USP6NL: variants seen among roughly 807,000 people sequenced by gnomAD.
USP6NL encodes USP6 N-terminal-like protein.
Under a neutral mutation model 61.9 loss-of-function variants are expected in USP6NL, and 26 were observed. The ratio of observed to expected loss-of-function variants is 0.42; its 90% CI spans 0.31 to 0.58. USP6NL has a LOEUF of 0.58. USP6NL is among the 20% of genes least tolerant of loss of function. The pLI is 0.16. For synonymous variants in USP6NL, 432 were observed against 390.1 expected (o/e 1.11, Z -1.27); for missense variants, 1,114 against 1,034.3 (o/e 1.08, Z -1.06).
intron 2 of USP6NL, among the ~76,000 whole-genome samples, chr10:11,586,119 A>T (rs1304798046): frequency 6.6e-6 from 1 of 152,238 alleles, no homozygotes; most frequent in African/African-American, 2.4e-5. Context: ...TCCTGTCTAG[A>T]AATCAAATAA....
chr10:11,577,640 A>G (rs1296805808), intron 2 of USP6NL, among the ~76,000 whole-genome samples: 1 of 152,058 alleles, frequency 6.6e-6, no homozygotes, highest in Admixed American at 6.6e-5. Flanking sequence ...AGCTGGGATT[A>G]CAGGTGCCTT....
intron 2 of USP6NL, among the ~76,000 whole-genome samples, chr10:11,556,036 GACAA>G (rs1489364120): frequency 6.6e-6 from 1 of 152,108 alleles, no homozygotes; most frequent in Admixed American, 6.5e-5. Flanking sequence ...AGCCTTGATG[GACAA>G]ACAGTCATGA....
At chr10:11,549,516 C>T (rs751983990) in intron 2 of USP6NL, among the ~76,000 whole-genome samples, 1 of 152,210 alleles carries the variant, frequency 6.6e-6, no homozygotes, top group South Asian at 2.1e-4. Flanking sequence ...GCCTTTTCTC[C>T]CACCTTTCAC....
chr10:11,584,231 C>G (rs1177500010), intron 2 of USP6NL, among the ~76,000 whole-genome samples: 1 of 152,148 alleles, frequency 6.6e-6, no homozygotes, highest in African/African-American at 2.4e-5. Flanking sequence ...AAGCATTTAG[C>G]TCTGTGTGTA....
chr10:11,599,911 G>A (rs977282277), intron 1 of USP6NL, among the ~76,000 whole-genome samples: 2 of 151,630 alleles, frequency 1.3e-5, no homozygotes, highest in Admixed American at 6.6e-5. Flanking sequence ...CACCCACCTC[G>A]GCCTCCCAAA....
At position 11,462,917 on chromosome 10, in the gene USP6NL, G is replaced by A. The variant is rs754431154; in HGVS notation, c.2011C>T (p.His671Tyr). ...GTQLNPSRRPHGSTLSVSASP... is the reference protein window; with the variant it reads ...GTQLNPSRRPYGSTLSVSASP... ...GCACTGACGGAAAGAGTAGAACCAT[G>A]AGGTCTCCTGGAAGGATTCAGTTGA... Residue 671 changes from histidine (H) to tyrosine (Y), a missense_variant, in exon 15 of 15, where the codon CAT becomes TAT. Transcript: ENST00000609104. 1.9e-6 allele frequency: 3 copies of A among 1,613,458 alleles called. No individual in the cohort carries two copies. In the African/African-American group the frequency reaches 4.0e-5, roughly 22 times the overall value.
chr10:11,530,228 A>G (rs1835598422), intron 2 of USP6NL, among the ~76,000 whole-genome samples: 1 of 152,188 alleles, frequency 6.6e-6, no homozygotes. Flanking sequence ...CAAATTCAAT[A>G]GATGAATGCT....
Position 11,553,389 on chromosome 10 carries a change from C to A in USP6NL, c.5-25822G>T, listed in dbSNP as rs1188788398. ...TCACTAACTTCAGCCTCCAGGTTTC[C>A]TTGTGTGGATGTCATTTCAGCAAGG... On this transcript the variant is annotated intron_variant, in intron 2 of 14. Transcript: ENST00000609104. This position sits in a 1 kb window ranked among gnomAD's most constrained non-coding sequence, Gnocchi z 4.8. Among the ~76,000 whole-genome samples the A allele has an allele frequency of 1.3e-5, 2 of 152,162 alleles. No homozygotes were observed. The highest frequency in any genetic ancestry group is 2.9e-5 in the Non-Finnish European group (2 of 68,030).
chr10:11,516,165 C>G (rs994005135), intron 5 of USP6NL, among the ~76,000 whole-genome samples: 1 of 152,150 alleles, frequency 6.6e-6, no homozygotes, highest in African/African-American at 2.4e-5. Flanking sequence ...TTAGTAAACA[C>G]CAATACTAAT....
rs371978766 is a variant in USP6NL at position 11,597,590 on chromosome 10, G to A, written c.4+41C>T. 67 of 1,545,944 alleles carry A rather than the reference G, an allele frequency of 4.3e-5. No homozygotes were observed. In the African/African-American group the frequency reaches 7.8e-4, roughly 18 times the overall value. On this transcript the variant is annotated intron_variant, in intron 2 of 14. Transcript: ENST00000609104. This position sits in a 1 kb window ranked among gnomAD's most constrained non-coding sequence, Gnocchi z 4.6. ...TTCTCCTAAGCACAATACAGCAAAC[G>A]CTCCTGAGATGGCTGGAAGGAAAGG...
chr10:11,570,504 T>C (rs1439815534), intron 2 of USP6NL, among the ~76,000 whole-genome samples: 1 of 152,260 alleles, frequency 6.6e-6, no homozygotes. Context: ...TTAGTACTAA[T>C]TTTAATAACC....
chr10:11,555,433 A>AAAAAT lies in USP6NL; in HGVS notation c.5-27867_5-27866insATTTT, dbSNP rs1275798295. Among the ~76,000 whole-genome samples, 147 of 48,916 alleles carry AAAAAT rather than the reference A, an allele frequency of 3.0e-3. 1 individual carries two copies. The highest frequency in any genetic ancestry group is 4.5e-3 in the Non-Finnish European group (132 of 29,160). 32.1% of individuals were successfully genotyped at this position (48,916 alleles called of 152,430 possible). Reference sequence around the variant, plus strand: ...TCGGTCTTAAAAAAAAAAAAAAAAAAATATATATATATATATATAGAGAGA... The same window carrying AAAAAT: ...TCGGTCTTAAAAAAAAAAAAAAAAAAAAAATATATATATATATATATATAGAGAGA... On this transcript the variant is annotated intron_variant, in intron 2 of 14. Transcript: ENST00000609104.
Position 11,511,672 on chromosome 10 carries a change from T to A in USP6NL, c.196-1997A>T, listed in dbSNP as rs912637238. ...AGTCATTTTTTTAAAAGCACACTTT[T>A]GAATTCTAATGCTTATCATATATAC... On this transcript the variant is annotated intron_variant, in intron 5 of 14. Transcript: ENST00000609104. This position sits in a 1 kb window ranked among gnomAD's most constrained non-coding sequence, Gnocchi z 4.9. Among the ~76,000 whole-genome samples the A allele has an allele frequency of 6.6e-6, 1 of 152,152 alleles. No homozygotes were observed. Among genetic ancestry groups the A allele is most frequent in the Non-Finnish European group, 1.5e-5 (1 of 68,022 alleles).
At chr10:11,584,460 A>C (rs897870224) in intron 2 of USP6NL, among the ~76,000 whole-genome samples, 2 of 152,234 alleles carry the variant, frequency 1.3e-5, no homozygotes, top group African/African-American at 4.8e-5. Context: ...ATTAATTACA[A>C]CAGTGATGGA....
intron 13 of USP6NL, among the ~76,000 whole-genome samples, chr10:11,484,703 CAACT>C (rs1170512310): frequency 6.6e-6 from 1 of 152,110 alleles, no homozygotes; most frequent in Non-Finnish European, 1.5e-5. Context: ...CTAGTGAAAC[CAACT>C]AACTGCATTC....
In USP6NL at chr10:11,591,234, T is replaced by C; in HGVS notation, c.4+6397A>G. Among the ~76,000 whole-genome samples the C allele has an allele frequency of 6.6e-6, 1 of 152,214 alleles. No homozygotes were observed. Among genetic ancestry groups the C allele is most frequent in the South Asian group, 2.1e-4 (1 of 4,836 alleles). ...TTCAGAATGGAATTCGAAATAGTTCTCTTAAGAATGGAGAGTCTCTTGAAA... is the reference window on the plus strand; with the variant it reads ...TTCAGAATGGAATTCGAAATAGTTCCCTTAAGAATGGAGAGTCTCTTGAAA... On this transcript the variant is annotated intron_variant, in intron 2 of 14. Coordinates refer to ENST00000609104, the MANE Select transcript of USP6NL (RefSeq NM_014688.5). The surrounding 1 kb of genome is among the most constrained non-coding windows in gnomAD (Gnocchi z 4.7).
chr10:11,583,289 C>T lies in USP6NL; in HGVS notation c.4+14342G>A, dbSNP rs529373434. On this transcript the variant is annotated intron_variant, in intron 2 of 14. Coordinates refer to ENST00000609104, the MANE Select transcript of USP6NL (RefSeq NM_014688.5). Reference sequence around the variant, plus strand: ...CTGCAAGCTCCGCCTCCCGGGTTCACGCCATTCTCCGCCTCAGTCTCCCGA... The same window carrying T: ...CTGCAAGCTCCGCCTCCCGGGTTCATGCCATTCTCCGCCTCAGTCTCCCGA... Among the ~76,000 whole-genome samples, 39 of 148,728 alleles carry T rather than the reference C, an allele frequency of 2.6e-4. 1 individual carries two copies. Among genetic ancestry groups the T allele is most frequent in the Admixed American group, 1.4e-3 (21 of 14,936 alleles).
chr10:11,470,056 C>G lies in USP6NL; in HGVS notation c.1079-6207G>C, dbSNP rs908003930. ...GTTTCCAGGGAGGCCCTCAGGCCCC[C>G]GGGGCAGCGCTGTGGAGGTAGTAAC... On this transcript the variant is annotated intron_variant, in intron 14 of 14. Transcript: ENST00000609104. The surrounding 1 kb of genome is among the most constrained non-coding windows in gnomAD (Gnocchi z 5.4). Among the ~76,000 whole-genome samples the G allele has an allele frequency of 3.3e-5, 5 of 152,164 alleles. No homozygotes were observed. Among genetic ancestry groups the G allele is most frequent in the Non-Finnish European group, 7.3e-5 (5 of 68,038 alleles).
intron 7 of USP6NL, among the ~76,000 whole-genome samples, chr10:11,498,847 T>G (rs538543534): frequency 6.6e-6 from 1 of 152,140 alleles, no homozygotes; most frequent in East Asian, 1.9e-4. Flanking sequence ...ATAAAGGTGA[T>G]TTCTTTTCTT....
Sources: gnomAD v4.1 joint callset for allele counts (sites outside exome capture counted in the v4.1 genomes callset) on GRCh38, gnomAD v4.1.1 for gene constraint, Gnocchi (gnomAD v3.1) non-coding constraint, MANE v1.5 for transcripts, NCBI Gene and HGNC (gene_info 2026-07-23, HGNC 2026-07-21) for gene names.